PAN2: variants seen among roughly 807,000 people sequenced by gnomAD.
PAN2 encodes poly(A) specific ribonuclease subunit PAN2, also known as PAN2-PAN3 deadenylation complex catalytic subunit PAN2.
Under a neutral mutation model 133.3 loss-of-function variants are expected in PAN2, and 68 were observed. That is an observed-to-expected ratio of 0.51 (90% CI 0.42 to 0.62). PAN2 has a LOEUF of 0.62. Ranked by LOEUF, PAN2 falls within the 20% of genes least tolerant of loss-of-function variation. The probability of loss-of-function intolerance (pLI) is 0.00; values close to 1 mark genes in which losing one functional copy is unlikely to be tolerated. For missense variants in PAN2, 1,042 were observed against 1,500.5 expected (o/e 0.69, Z 5.05); for synonymous variants, 462 against 544.6 (o/e 0.85, Z 2.11).
rs117387592 is a variant in PAN2 at position 56,325,155 on chromosome 12, C to T, written c.1480-27G>A. ...TAAGGTAGAAATTGTCTGAGCAAGA[C>T]AAGGATATTCTCAGAGTCCCCAAAT... On this transcript the variant is annotated intron_variant, in intron 9 of 25. Transcript: ENST00000440411. 3.7e-6 allele frequency: 6 copies of T among 1,610,330 alleles called. No homozygotes were observed. The South Asian group carries it at 5.5e-5, about 15-fold the overall frequency.
rs1874272027 is a variant in PAN2 at position 56,319,663 on chromosome 12, C to T, written c.3048G>A (p.Glu1016=). The T allele has an allele frequency of 1.2e-6, 2 of 1,613,528 alleles. No homozygotes were observed. Among genetic ancestry groups the T allele is most frequent in the East Asian group, 4.5e-5 (2 of 44,886 alleles). The change falls in exon 22 of 26, where the codon GAG becomes GAA. Residue 1016 remains glutamate, a synonymous_variant. Transcript: ENST00000440411. The surrounding 1 kb of genome is among the most constrained non-coding windows in gnomAD (Gnocchi z 5.4). ...TGTAGTCATCAATGAAGGGGATACC[C>T]TCATTGGGTCCCTGGCCCCGAACAC... ...ITCVRGQGPN[E]GIPFIDDYIS...
At chr12:56,322,190 T>A in intron 19 of PAN2, 22 bp from the exon 20 acceptor site, 1 of 1,430,240 alleles carries the variant, frequency 7.0e-7, no homozygotes, top group Non-Finnish European at 9.9e-7. Context: ...AAAAAGCACT[T>A]ATGGCTAATG....
rs1874052271 is a variant in PAN2 at position 56,317,626 on chromosome 12, A to G, written c.3580T>C (p.Ser1194Pro). 5 of 1,613,762 alleles carry G rather than the reference A, an allele frequency of 3.1e-6. No individual in the cohort carries two copies. The highest frequency in any genetic ancestry group is 1.3e-5 in the African/African-American group (1 of 74,938). Residue 1194 changes from serine to proline, a missense_variant, in exon 26 of 26, where the codon TCA (serine) becomes CCA (proline). Physicochemically the swap from Ser to Pro is moderately conservative, Grantham distance 74 (BLOSUM62 -1). Transcript: ENST00000440411. ...TSPKNAAVFS[S>P]VLAL ...AAGGGTAGTCAGAGCGCCAGCACTG[A>G]GGAGAAGACAGCTGCATCTGTCAGA... is the stretch of plus-strand genomic sequence containing the variant.
intron 2 of PAN2, among the ~76,000 whole-genome samples, chr12:56,331,700 G>GTTTTTTTTTTTTTTTTTTTTTTT (rs67869491): frequency 8.0e-6 from 1 of 125,332 alleles, no homozygotes. Flanking sequence ...GAAGGACAGC[G>GTTTTTTTTTTTTTTTTTTTTTTT]TTTTTTTTTT....
chr12:56,324,888 G>T, intron 10 of PAN2, 121 bp downstream of exon 10: 1 of 1,394,046 alleles, frequency 7.2e-7, no homozygotes, highest in Non-Finnish European at 9.8e-7. Context: ...AGAAAGAATT[G>T]TAGAGGAGAC....
intron 2 of PAN2, among the ~76,000 whole-genome samples, chr12:56,330,576 G>A (rs1250339380): frequency 6.6e-6 from 1 of 151,244 alleles, no homozygotes; most frequent in East Asian, 1.9e-4. Context: ...AGCCGGGATG[G>A]TCTCGATCTC....
At chr12:56,323,943 G>C in intron 13 of PAN2, 30 bp from the exon 14 acceptor site, 1 of 1,603,826 alleles carries the variant, frequency 6.2e-7, no homozygotes, top group Non-Finnish European at 8.5e-7. Context: ...TATACTCCTG[G>C]TTCTCCCCTC....
In PAN2 at chr12:56,328,299, A is replaced by G; in HGVS notation, c.512T>C (p.Val171Ala). The G allele has an allele frequency of 3.1e-6, 5 of 1,609,734 alleles. No individual in the cohort carries two copies. The highest frequency in any genetic ancestry group is 4.2e-6 in the Non-Finnish European group (5 of 1,177,510). The change falls in exon 4 of 26, where the codon GTT becomes GCT. Residue 171 changes from valine to alanine, a missense_variant. Val to Ala is a moderately conservative substitution (Grantham distance 64). Transcript: ENST00000440411. ...LLLTDSSTLLVGGLQNHIIEI... is the reference protein window; with the variant it reads ...LLLTDSSTLLAGGLQNHIIEI... ...TATTATGTGATTCTGCAGCCCACCA[A>G]CGAGTAGAGTGCTGCTGTCAGTCAG...
At chr12:56,322,832 G>T in intron 17 of PAN2, 74 bp from the exon 18 acceptor site, 1 of 1,488,240 alleles carries the variant, frequency 6.7e-7, no homozygotes, top group South Asian at 1.2e-5. Flanking sequence ...ACAGAGGACA[G>T]GGAGTTGGGG....
intron 8 of PAN2, 38 bp downstream of exon 8, chr12:56,326,275 G>A (rs202154867): frequency 8.0e-5 from 122 of 1,521,130 alleles, no homozygotes; most frequent in South Asian, 1.2e-5. Context: ...AAACTTCAGT[G>A]GGCCGGGGTC....
Position 56,326,773 on chromosome 12 carries a change from G to A in PAN2, c.1106C>T (p.Ser369Phe). 1 of 1,614,240 alleles carries A rather than the reference G, an allele frequency of 6.2e-7. No individual in the cohort carries two copies. Among genetic ancestry groups the A allele is most frequent in the Non-Finnish European group, 8.5e-7 (1 of 1,180,052 alleles). Residue 369 changes from serine (S) to phenylalanine (F), a missense_variant, in exon 7 of 26, where the codon TCC (serine) becomes TTC (phenylalanine). Ser to Phe is a radical substitution (Grantham distance 155, BLOSUM62 -2). Transcript: ENST00000440411. ...DSPEPSFNPYSRETEFALPCL... is the reference protein window; with the variant it reads ...DSPEPSFNPYFRETEFALPCL... ...CGGCAAAGCAAACTCAGTCTCACGG[G>A]AGTAGGGGTTGAAGGAAGGCTCCGG... is the stretch of plus-strand genomic sequence containing the variant.
chr12:56,328,184 GC>G, intron 4 of PAN2, 53 bp downstream of exon 4: 1 of 1,594,184 alleles, frequency 6.3e-7, no homozygotes. Flanking sequence ...AGCATACCCT[GC>G]CCCCGCAACA....
intron 2 of PAN2, among the ~76,000 whole-genome samples, chr12:56,330,425 T>A (rs1262646051): frequency 7.8e-6 from 1 of 128,690 alleles, no homozygotes; most frequent in Non-Finnish European, 1.6e-5. Context: ...AGTGGCGGGA[T>A]CTCGGCTCAC....
In PAN2 at chr12:56,319,654, G is replaced by T. The variant is rs1874271262; in HGVS notation, c.3057C>A (p.Pro1019=). ...GGGTAGAGATGTAGTCATCAATGAA[G>T]GGGATACCCTCATTGGGTCCCTGGC... is the stretch of plus-strand genomic sequence containing the variant. ...VRGQGPNEGI[P]FIDDYISTQE... The change falls in exon 22 of 26, where the codon CCC becomes CCA. Residue 1019 remains proline, a synonymous_variant. Coordinates refer to ENST00000440411, the MANE Select transcript of PAN2 (RefSeq NM_014871.6). The surrounding 1 kb of genome is among the most constrained non-coding windows in gnomAD (Gnocchi z 5.4). 6.2e-7 allele frequency: 1 copy of T among 1,612,732 alleles called. No individual in the cohort carries two copies. Among genetic ancestry groups the T allele is most frequent in the Non-Finnish European group, 8.5e-7 (1 of 1,179,440 alleles).
chr12:56,321,783 A>G (rs1252818465), intron 20 of PAN2, among the ~76,000 whole-genome samples: 1 of 151,354 alleles, frequency 6.6e-6, no homozygotes, highest in Non-Finnish European at 1.5e-5. Context: ...CCCAGGAGGC[A>G]GAGGTTGCAG....
chr12:56,325,042 G>A lies in PAN2; in HGVS notation c.1566C>T (p.His522=). 6.2e-7 allele frequency: 1 copy of A among 1,614,170 alleles called. No homozygotes were observed. Among genetic ancestry groups the A allele is most frequent in the Non-Finnish European group, 8.5e-7 (1 of 1,179,988 alleles). The change falls in exon 10 of 26, where the codon CAC becomes CAT. Residue 522 remains histidine, a synonymous_variant. Transcript: ENST00000440411. ...TGCAGTTACAGTAGGCGTTGGGAAT[G>A]TGGGGCTCTAATCCAGCAAACAAGG... ...NKTLFAGLEP[H]IPNAYCNCMI...
At position 56,319,065 on chromosome 12, in the gene PAN2, G is replaced by A. The variant is rs903401894; in HGVS notation, c.3364+23C>T. ...TGCTTCTGCTATTAATGTAGCAGGG[G>A]CCTACAAGGCAGAGCAACTCACCCA... On this transcript the variant is annotated intron_variant, in intron 24 of 25. Transcript: ENST00000440411. The surrounding 1 kb of genome is among the most constrained non-coding windows in gnomAD (Gnocchi z 5.4). The A allele has an allele frequency of 2.5e-6, 4 of 1,608,816 alleles. No homozygotes were observed. The highest frequency in any genetic ancestry group is 3.4e-6 in the Non-Finnish European group (4 of 1,175,310).
At chr12:56,322,794 T>C in intron 17 of PAN2, 36 bp from the exon 18 acceptor site, 1 of 1,584,762 alleles carries the variant, frequency 6.3e-7, no homozygotes, top group Non-Finnish European at 8.6e-7. Context: ...AAGCTAAGTT[T>C]AAGGATGGGG....
chr12:56,332,680 C>T, intron 2 of PAN2, 133 bp downstream of exon 2: 1 of 805,606 alleles, frequency 1.2e-6, no homozygotes. Context: ...TCCCTTTATC[C>T]CTCCAACCAG....
Sources: gnomAD v4.1 joint callset for allele counts (sites outside exome capture counted in the v4.1 genomes callset) on GRCh38, gnomAD v4.1.1 for gene constraint, Gnocchi (gnomAD v3.1) non-coding constraint, MANE v1.5 for transcripts, NCBI Gene and HGNC (gene_info 2026-07-23, HGNC 2026-07-21) for gene names.